Variants in SLC22A4 observed in about 807,000 individuals in gnomAD.
SLC22A4 encodes the protein ET transporter.
A neutral mutation model predicts 56.6 loss-of-function variants in SLC22A4; 39 were observed. That is an observed-to-expected ratio of 0.69 (90% confidence interval 0.53 to 0.90). The LOEUF (loss-of-function observed/expected upper bound fraction) is 0.90. SLC22A4 is among the 40% of genes least tolerant of loss of function. SLC22A4 has a pLI of 0.00. For missense variants in SLC22A4, 594 were observed against 696.5 expected (o/e 0.85, Z 1.66); for synonymous variants, 241 against 281.4 (o/e 0.86, Z 1.44).
chr5:132,300,253 A>C (rs905796016), intron 1 of SLC22A4, among the ~76,000 whole-genome samples: 2 of 152,218 alleles, frequency 1.3e-5, no homozygotes, highest in African/African-American at 4.8e-5. Context: ...TGGTGATGTT[A>C]ACCTTGATCA....
intron 1 of SLC22A4, among the ~76,000 whole-genome samples, chr5:132,306,042 C>T (rs527519258): frequency 5.2e-4 from 79 of 152,200 alleles, no homozygotes; most frequent in African/African-American, 1.8e-3. Context: ...TACCTCTTTA[C>T]ACCCACTACA....
Position 132,309,814 on chromosome 5 carries a change from C to A in SLC22A4, c.394-2347C>A, listed in dbSNP as rs181615622. Among the ~76,000 whole-genome samples the A allele has an allele frequency of 2.3e-3, 347 of 152,412 alleles. 2 individuals are homozygous for A. Among genetic ancestry groups the A allele is most frequent in the Middle Eastern group, 0.02 (6 of 294 alleles). On this transcript the variant is annotated intron_variant, in intron 1 of 9. Transcript: ENST00000200652. ...GTCCTACCCTTTGCTCATGCAATGC[C>A]TGGCTCCACATCTAACAGCCTTCCA...
chr5:132,302,792 C>T (rs1480866222), intron 1 of SLC22A4, among the ~76,000 whole-genome samples: 1 of 152,210 alleles, frequency 6.6e-6, no homozygotes, highest in African/African-American at 2.4e-5. Context: ...TTCTCCTTCC[C>T]ACAGCCCCTC....
At chr5:132,302,018 C>T (rs903042543) in intron 1 of SLC22A4, among the ~76,000 whole-genome samples, 21 of 152,356 alleles carry the variant, frequency 1.4e-4, no homozygotes, top group Admixed American at 5.9e-4. Context: ...CCAGTCAATG[C>T]TTCAGAAAGT....
chr5:132,312,428 C>A (rs1162604023), intron 2 of SLC22A4, among the ~76,000 whole-genome samples, 164 bp downstream of exon 2: 2 of 152,182 alleles, frequency 1.3e-5, no homozygotes, highest in Non-Finnish European at 2.9e-5. Flanking sequence ...TTCACCCCGC[C>A]CTCAGTCCCC....
At chr5:132,338,839 A>G (rs1751110834) in intron 8 of SLC22A4, among the ~76,000 whole-genome samples, 1 of 152,206 alleles carries the variant, frequency 6.6e-6, no homozygotes, top group Admixed American at 6.5e-5. Flanking sequence ...CACATGCTCT[A>G]CAAACAATTT....
At chr5:132,315,882 C>G (rs1464069857) in intron 3 of SLC22A4, among the ~76,000 whole-genome samples, 8 of 152,142 alleles carry the variant, frequency 5.3e-5, no homozygotes, top group Admixed American at 5.2e-4. Context: ...GTTCTCAGGT[C>G]TGAAAGTTTA....
chr5:132,317,608 T>C (rs1750399927), intron 3 of SLC22A4, among the ~76,000 whole-genome samples: 1 of 152,230 alleles, frequency 6.6e-6, no homozygotes, highest in Admixed American at 6.5e-5. Flanking sequence ...CTATGAACAT[T>C]GGAGAATAAG....
At chr5:132,339,868 T>G (rs1751151629) in intron 8 of SLC22A4, among the ~76,000 whole-genome samples, 1 of 152,182 alleles carries the variant, frequency 6.6e-6, no homozygotes, top group African/African-American at 2.4e-5. Context: ...AAGCTCTGTA[T>G]GTATACAGGG....
intron 9 of SLC22A4, among the ~76,000 whole-genome samples, chr5:132,342,640 T>A (rs1174787963): frequency 6.6e-6 from 1 of 152,232 alleles, no homozygotes; most frequent in Non-Finnish European, 1.5e-5. Context: ...CTACCAAGTC[T>A]GGGGTTCCAA....
Position 132,322,182 on chromosome 5 carries a change from A to G in SLC22A4, c.653-2A>G. The G allele has an allele frequency of 1.2e-5, 19 of 1,612,536 alleles. No individual in the cohort carries two copies. Among genetic ancestry groups the G allele is most frequent in the Non-Finnish European group, 1.6e-5 (19 of 1,179,178 alleles). ...CTAATACTCCTCCCTTGTTTTGAAC[A>G]GGAACAGAAATTCTTGGCAAGTCAG... On this transcript the variant is annotated splice_acceptor_variant, in intron 3 of 9. Transcript: ENST00000200652. LOFTEE classifies it high-confidence loss of function.
At chr5:132,338,193 G>A (rs1047473776) in intron 8 of SLC22A4, among the ~76,000 whole-genome samples, 5 of 152,114 alleles carry the variant, frequency 3.3e-5, no homozygotes, top group East Asian at 1.9e-4. Context: ...CTAGGTGTCC[G>A]GGGGAGACAT....
chr5:132,317,096 G>C lies in SLC22A4; in HGVS notation c.652+3328G>C, dbSNP rs116046275. On this transcript the variant is annotated intron_variant, in intron 3 of 9. Coordinates refer to ENST00000200652, the MANE Select transcript of SLC22A4 (RefSeq NM_003059.3). ...AGCAAGAAAGAGAGAGTGAGCCATA[G>C]AGAGCTCACTCTCTGGTGTCTCTTC... Among the ~76,000 whole-genome samples the C allele has an allele frequency of 8.6e-3, 1,303 of 152,290 alleles. 13 individuals are homozygous for C. Among genetic ancestry groups the C allele is most frequent in the African/African-American group, 0.03 (1,228 of 41,558 alleles).
chr5:132,335,908 T>C lies in SLC22A4; in HGVS notation c.1352T>C (p.Leu451Pro), dbSNP rs774755477. 24 of 1,614,066 alleles carry C rather than the reference T, an allele frequency of 1.5e-5. No homozygotes were observed. The highest frequency in any genetic ancestry group is 1.9e-5 in the Non-Finnish European group (22 of 1,180,012). Reference sequence around the variant, plus strand: ...ATGCTGTATGTCTTCACTGCTGAGCTCTACCCAACCCTGGTCAGGAACATG... The same window carrying C: ...ATGCTGTATGTCTTCACTGCTGAGCCCTACCCAACCCTGGTCAGGAACATG... ...FSMLYVFTAE[L>P]YPTLVRNMAV... Residue 451 changes from leucine (L) to proline (P), a missense_variant, in exon 8 of 10, where the codon CTC becomes CCC. Leu to Pro is a moderately conservative substitution (Grantham distance 98, BLOSUM62 -3). Coordinates refer to ENST00000200652, the MANE Select transcript of SLC22A4 (RefSeq NM_003059.3).
intron 5 of SLC22A4, among the ~76,000 whole-genome samples, chr5:132,331,380 C>T (rs1403598777): frequency 6.6e-6 from 1 of 151,914 alleles, no homozygotes; most frequent in Non-Finnish European, 1.5e-5. Context: ...GCAGACGTGG[C>T]CTCAAGGAAG....
intron 1 of SLC22A4, among the ~76,000 whole-genome samples, chr5:132,306,066 A>G (rs984890004): frequency 2.0e-5 from 3 of 152,152 alleles, no homozygotes; most frequent in African/African-American, 7.2e-5. Context: ...ACTAAAATTA[A>G]AGACACACAA....
intron 9 of SLC22A4, among the ~76,000 whole-genome samples, chr5:132,342,261 T>C (rs1580852764): frequency 6.6e-6 from 1 of 152,070 alleles, no homozygotes; most frequent in East Asian, 1.9e-4. Context: ...TAGTAACCAG[T>C]GAGAAAAAGA....
At chr5:132,342,702 G>A (rs971136840) in intron 9 of SLC22A4, among the ~76,000 whole-genome samples, 1 of 152,226 alleles carries the variant, frequency 6.6e-6, no homozygotes, top group African/African-American at 2.4e-5. Context: ...ACAGCACTCA[G>A]AACACTGGCC....
At chr5:132,311,329 A>C (rs1221375872) in intron 1 of SLC22A4, 1 of 152,238 alleles carries the variant, frequency 6.6e-6, no homozygotes, top group Non-Finnish European at 1.5e-5. Flanking sequence ...AAGGTCACTA[A>C]ACACACTTTG....
Sources: gnomAD v4.1 joint callset for allele counts (sites outside exome capture counted in the v4.1 genomes callset) on GRCh38, gnomAD v4.1.1 for gene constraint, MANE v1.5 for transcripts, NCBI Gene and HGNC (gene_info 2026-07-23, HGNC 2026-07-21) for gene names.